Variants in RALGAPA1 observed in about 807,000 individuals in gnomAD.
RALGAPA1 encodes the protein Ral GTPase activating protein catalytic subunit alpha 1.
Under a neutral mutation model 269.6 loss-of-function variants are expected in RALGAPA1, and 52 were observed. The ratio of observed to expected loss-of-function variants is 0.19; its 90% confidence interval spans 0.15 to 0.24. The LOEUF (loss-of-function observed/expected upper bound fraction) is 0.24. Among genes scored for constraint, RALGAPA1 ranks in the 10% least tolerant of loss-of-function variants. The pLI is 1.00. For synonymous variants in RALGAPA1, 817 were observed against 1,008.3 expected (o/e 0.81, Z 3.60); for missense variants, 1,917 against 3,013.9 (o/e 0.64, Z 8.52).
Position 35,648,166 on chromosome 14 carries a change from ATG to A in RALGAPA1, c.5676+3637_5676+3638del, listed in dbSNP as rs760649330. Among the ~76,000 whole-genome samples, 3 of 149,964 alleles carry A rather than the reference ATG, an allele frequency of 2.0e-5. No homozygotes were observed. In the South Asian group the frequency reaches 6.4e-4, roughly 32 times the overall value. The stretch of plus-strand genomic sequence containing the variant: ...AAAAAAACTAGCAAGGTGTGGTGGC[ATG>A]TGTCTGTAGTTCCAGCTACTTGGGA... On this transcript the variant is annotated intron_variant, in intron 31 of 41. Coordinates refer to ENST00000680220, the MANE Select transcript of RALGAPA1 (RefSeq NM_001346249.2).
chr14:35,683,693 GA>G (rs2140375781), intron 21 of RALGAPA1, 115 bp downstream of exon 21: 1 of 796,306 alleles, frequency 1.3e-6, no homozygotes, highest in Admixed American at 3.2e-5. Flanking sequence ...AAAGATGAAT[GA>G]AAAAATATAC....
intron 37 of RALGAPA1, among the ~76,000 whole-genome samples, chr14:35,585,323 A>G (rs974244302): frequency 6.6e-5 from 10 of 152,366 alleles, no homozygotes; most frequent in Middle Eastern, 3.4e-3. Context: ...GAAATCAGTA[A>G]CAGAAAGATA....
At chr14:35,787,449 C>T (rs2075872058) in intron 1 of RALGAPA1, among the ~76,000 whole-genome samples, 1 of 152,150 alleles carries the variant, frequency 6.6e-6, no homozygotes, top group Admixed American at 6.5e-5. Context: ...CACAAACACA[C>T]CTCTTATCCT....
intron 37 of RALGAPA1, among the ~76,000 whole-genome samples, chr14:35,581,517 T>C (rs185095811): frequency 6.6e-6 from 1 of 152,238 alleles, no homozygotes; most frequent in Non-Finnish European, 1.5e-5. Context: ...TTGCTTTAAT[T>C]TAGTTTGACG....
intron 35 of RALGAPA1, among the ~76,000 whole-genome samples, chr14:35,623,956 A>G (rs7144283): frequency 1 from 151,363 of 151,930 alleles, 75,398 homozygotes; most frequent in South Asian, 1. Context: ...GGTGGCGGGC[A>G]AGTGCCTGTA....
At chr14:35,553,080 C>G (rs1272323631) in intron 39 of RALGAPA1, among the ~76,000 whole-genome samples, 1 of 152,016 alleles carries the variant, frequency 6.6e-6, no homozygotes, top group Non-Finnish European at 1.5e-5. Context: ...GTGGGGATAC[C>G]ATCACCTGCT....
intron 41 of RALGAPA1, chr14:35,542,196 C>A (rs1426653846): frequency 6.2e-6 from 2 of 323,362 alleles, no homozygotes; most frequent in Non-Finnish European, 1.2e-5. Context: ...TAGCCACAGC[C>A]ACATTAAGTT....
intron 4 of RALGAPA1, among the ~76,000 whole-genome samples, chr14:35,769,035 A>AATATATATATATAT (rs200538547): frequency 1.2e-4 from 7 of 58,302 alleles, no homozygotes; most frequent in South Asian, 9.4e-4. Context: ...AAAAAAAAAA[A>AATATATATATATAT]ATATATATAT....
intron 1 of RALGAPA1, among the ~76,000 whole-genome samples, chr14:35,804,938 C>T (rs2077251330): frequency 6.6e-6 from 1 of 151,928 alleles, no homozygotes; most frequent in Non-Finnish European, 1.5e-5. Context: ...GAAAAAAAAG[C>T]AATGAACTAT....
intron 4 of RALGAPA1, among the ~76,000 whole-genome samples, chr14:35,767,699 C>G (rs1298658149): frequency 2.0e-5 from 3 of 151,968 alleles, no homozygotes; most frequent in Admixed American, 6.6e-5. Flanking sequence ...AAAAAACAAA[C>G]AAATAAACAA....
chr14:35,645,693 G>C (rs1453579641), intron 31 of RALGAPA1, among the ~76,000 whole-genome samples: 1 of 148,040 alleles, frequency 6.8e-6, no homozygotes, highest in East Asian at 2.0e-4. Flanking sequence ...TCGCGCCGGG[G>C]CACTCCAGCC....
At chr14:35,723,321 A>G in intron 14 of RALGAPA1, 57 bp from the exon 15 acceptor site, 1 of 930,712 alleles carries the variant, frequency 1.1e-6, no homozygotes, top group Non-Finnish European at 1.6e-6. Flanking sequence ...TGACTTCAAA[A>G]TCAGACATTC....
At chr14:35,674,444 T>C (rs902072921) in intron 23 of RALGAPA1, 72 bp downstream of exon 23, 11 of 1,409,290 alleles carry the variant, frequency 7.8e-6, no homozygotes, top group Non-Finnish European at 1.1e-5. Flanking sequence ...GTCACAAATG[T>C]TTTCTAAGGC....
intron 1 of RALGAPA1, among the ~76,000 whole-genome samples, chr14:35,781,493 C>T (rs1257993920): frequency 1.3e-5 from 2 of 152,018 alleles, no homozygotes; most frequent in East Asian, 1.9e-4. Context: ...GAAAATCAGA[C>T]AAAAACATTA....
chr14:35,784,927 A>G (rs1206821557), intron 1 of RALGAPA1, among the ~76,000 whole-genome samples: 1 of 152,196 alleles, frequency 6.6e-6, no homozygotes, highest in African/African-American at 2.4e-5. Context: ...TCACATCCAT[A>G]ATCTCAACAC....
intron 41 of RALGAPA1, among the ~76,000 whole-genome samples, chr14:35,545,945 T>G (rs1330358779): frequency 6.6e-6 from 1 of 152,104 alleles, no homozygotes; most frequent in Non-Finnish European, 1.5e-5. Context: ...CACTAAAAAC[T>G]TTTGATATTT....
intron 1 of RALGAPA1, among the ~76,000 whole-genome samples, chr14:35,792,071 G>C (rs966598237): frequency 7.2e-5 from 11 of 152,112 alleles, no homozygotes; most frequent in Non-Finnish European, 1.3e-4. Flanking sequence ...TCAGATAACA[G>C]ATTGCCTTAA....
At chr14:35,748,136 G>A (rs1447583673) in intron 10 of RALGAPA1, among the ~76,000 whole-genome samples, 1 of 151,558 alleles carries the variant, frequency 6.6e-6, no homozygotes, top group Non-Finnish European at 1.5e-5. Context: ...TCTAGTAACA[G>A]GAGTATAAGG....
At chr14:35,544,275 TAATTTGTA>T (rs1027981248) in intron 41 of RALGAPA1, among the ~76,000 whole-genome samples, 17 of 152,226 alleles carry the variant, frequency 1.1e-4, no homozygotes, top group Non-Finnish European at 2.4e-4. Flanking sequence ...TAACAATTTA[TAATTTGTA>T]AATATGACAG....
Sources: allele counts gnomAD v4.1 joint callset (sites outside exome capture counted in the v4.1 genomes callset), GRCh38; gene constraint gnomAD v4.1.1; transcripts MANE v1.5; gene names NCBI Gene and HGNC (gene_info 2026-07-23, HGNC 2026-07-21).